Variants in FBXW10B observed in about 807,000 individuals in gnomAD.
FBXW10B encodes F-box and WD repeat domain containing 10B.
chr17:15,577,398 C>G, the FBXW10B span, among the ~76,000 whole-genome samples: 87 of 152,158 alleles, frequency 5.7e-4, no homozygotes, highest in Admixed American at 3.1e-3. Flanking sequence ...ACTCCCTTCT[C>G]TCATCATGAG....
At chr17:15,599,829 A>G in the FBXW10B span, among the ~76,000 whole-genome samples, 1 of 151,962 alleles carries the variant, frequency 6.6e-6, no homozygotes, top group African/African-American at 2.4e-5. Flanking sequence ...CCTGAAGTCC[A>G]TTCCCAGGGC....
At chr17:15,604,672 C>A in the FBXW10B span, among the ~76,000 whole-genome samples, 2 of 152,164 alleles carry the variant, frequency 1.3e-5, no homozygotes, top group South Asian at 2.1e-4. Context: ...GTAGCTGGGA[C>A]TACAGGTGCC....
At chr17:15,616,358 T>TG in the FBXW10B span, among the ~76,000 whole-genome samples, 1 of 151,554 alleles carries the variant, frequency 6.6e-6, no homozygotes, top group Admixed American at 6.6e-5. Flanking sequence ...TTAGTACAGA[T>TG]GGGGTTTCGC....
the FBXW10B span, chr17:15,598,896 G>C: frequency 1.9e-6 from 1 of 521,896 alleles, no homozygotes; most frequent in South Asian, 2.2e-5. Flanking sequence ...AGAGTCGTTG[G>C]TCAGGCACAG....
the FBXW10B span, among the ~76,000 whole-genome samples, chr17:15,581,390 T>A: frequency 2.0e-5 from 3 of 152,214 alleles, no homozygotes; most frequent in African/African-American, 4.8e-5. Context: ...TCAACAACTA[T>A]CAAGACTTTT....
chr17:15,614,694 A>T, the FBXW10B span, among the ~76,000 whole-genome samples: 1,908 of 152,324 alleles, frequency 0.013, 36 homozygotes, highest in African/African-American at 0.043. Context: ...TAATTGTTGA[A>T]GCCAGTGCTA....
the FBXW10B span, among the ~76,000 whole-genome samples, chr17:15,601,502 A>G: frequency 6.6e-6 from 1 of 152,116 alleles, no homozygotes; most frequent in Admixed American, 6.6e-5. Context: ...GATGCCAGAC[A>G]CAAGATCAAT....
chr17:15,570,275 C>T, the FBXW10B span, among the ~76,000 whole-genome samples: 2 of 152,106 alleles, frequency 1.3e-5, no homozygotes, highest in Non-Finnish European at 2.9e-5. Context: ...AGCGAAGAGA[C>T]AAAATGAACA....
chr17:15,600,052 T>C, the FBXW10B span, among the ~76,000 whole-genome samples: 1 of 151,480 alleles, frequency 6.6e-6, no homozygotes. Context: ...CCGTCTCTAC[T>C]AAAAATACAA....
At chr17:15,601,725 T>C in the FBXW10B span, among the ~76,000 whole-genome samples, 7 of 152,314 alleles carry the variant, frequency 4.6e-5, no homozygotes, top group South Asian at 8.3e-4. Context: ...ATAAATTCAA[T>C]GCAGCCCAAA....
chr17:15,582,580 T>C, the FBXW10B span, among the ~76,000 whole-genome samples: 3,013 of 151,416 alleles, frequency 0.02, 43 homozygotes, highest in South Asian at 0.035. Flanking sequence ...TTTACTGATG[T>C]CTCATTGTAT....
chr17:15,594,083 T>C, the FBXW10B span, among the ~76,000 whole-genome samples: 1 of 152,138 alleles, frequency 6.6e-6, no homozygotes, highest in African/African-American at 2.4e-5. Flanking sequence ...TTATCTAACA[T>C]ATAGATGATC....
chr17:15,615,321 C>CTTTT, the FBXW10B span, among the ~76,000 whole-genome samples: 83 of 88,670 alleles, frequency 9.4e-4, no homozygotes, highest in African/African-American at 1.2e-3. Context: ...TATTGGCTTT[C>CTTTT]TTTTTTTTTT....
chr17:15,602,272 A>T, the FBXW10B span, among the ~76,000 whole-genome samples: 1 of 152,182 alleles, frequency 6.6e-6, no homozygotes, highest in Non-Finnish European at 1.5e-5. Flanking sequence ...GAGCTCAGGG[A>T]CATTCTCATG....
the FBXW10B span, among the ~76,000 whole-genome samples, chr17:15,599,173 C>CAAAAAA: frequency 0.033 from 2,197 of 67,194 alleles, 40 homozygotes; most frequent in East Asian, 0.049. Context: ...GACTCTGTCT[C>CAAAAAA]AAAAAAAAAA....
At chr17:15,578,569 G>A in the FBXW10B span, among the ~76,000 whole-genome samples, 2 of 152,150 alleles carry the variant, frequency 1.3e-5, no homozygotes, top group South Asian at 2.1e-4. Context: ...CAGGAGAAAG[G>A]AAAGGTATGT....
chr17:15,615,825 C>T, the FBXW10B span: 2 of 1,613,558 alleles, frequency 1.2e-6, no homozygotes, highest in African/African-American at 1.3e-5. Flanking sequence ...ACACAGAAGA[C>T]CAAGACAAGG....
the FBXW10B span, chr17:15,569,010 T>C: frequency 8.2e-7 from 1 of 1,212,652 alleles, no homozygotes. Flanking sequence ...AACTGGCAGA[T>C]AGGTCTTCCG....
the FBXW10B span, among the ~76,000 whole-genome samples, chr17:15,590,073 G>A: frequency 1.5e-4 from 23 of 151,602 alleles, 1 homozygote; most frequent in South Asian, 3.8e-3. Context: ...GGAAGCCGGC[G>A]GCGCTGCCTG....
Sources: allele counts gnomAD v4.1 joint callset (sites outside exome capture counted in the v4.1 genomes callset), GRCh38; gene constraint gnomAD v4.1.1; transcripts MANE v1.5; gene names NCBI Gene and HGNC (gene_info 2026-07-23, HGNC 2026-07-21).